The following CSMD1 variants were observed in gnomAD, a reference collection of about 807,000 sequenced individuals.
CSMD1 encodes CUB and Sushi multiple domains 1, also known as CUB and sushi domain-containing protein 1.
Under a neutral mutation model 417.5 loss-of-function variants are expected in CSMD1, and 213 were observed. The observed-to-expected ratio is 0.51, with a 90% CI of 0.46 to 0.57. The LOEUF (loss-of-function observed/expected upper bound fraction) is 0.57, where lower values mean the gene tolerates loss of function less well. CSMD1 is among the 20% of genes least tolerant of loss of function. The probability of loss-of-function intolerance (pLI) is 0.00; values close to 1 mark genes in which losing one functional copy is unlikely to be tolerated. For missense variants in CSMD1, 6,923 were observed against 4,529.7 expected (o/e 1.53, Z -15.17); for synonymous variants, 2,862 against 1,736.8 (o/e 1.65, Z -16.11).
rs142916318 is a variant in CSMD1 at position 3,993,228 on chromosome 8, G to A, written c.818+4675C>T. On this transcript the variant is annotated intron_variant, in intron 5 of 69. Transcript: ENST00000635120. ...TCTGTGTTAGTGCTGCAAATTTTCTGTAAAATGAATTCAAAATAATAACAA... is the reference window on the plus strand; with the variant it reads ...TCTGTGTTAGTGCTGCAAATTTTCTATAAAATGAATTCAAAATAATAACAA... 4.4e-3 allele frequency among the ~76,000 whole-genome samples: 669 copies of A among 152,318 alleles called. 1 individual carries two copies. Among genetic ancestry groups the A allele is most frequent in the African/African-American group, 0.016 (645 of 41,556 alleles).
intron 11 of CSMD1, among the ~76,000 whole-genome samples, chr8:3,476,800 C>A (rs980689995): frequency 3.3e-5 from 5 of 151,618 alleles, no homozygotes; most frequent in African/African-American, 1.2e-4. Context: ...CATCTGTAAT[C>A]CCAGCTACTT....
Position 4,033,231 on chromosome 8 carries a change from G to C in CSMD1, c.416-1132C>G, listed in dbSNP as rs1025834527. 6.7e-5 allele frequency among the ~76,000 whole-genome samples: 10 copies of C among 149,160 alleles called. No individual in the cohort carries two copies. The East Asian group carries it at 1.4e-3, about 21-fold the overall frequency. ...CGAGGCAGGAGGATCGTGAGGTCAA[G>C]AGATCGAGACCATCCTGGCTAACAC... On this transcript the variant is annotated intron_variant, in intron 3 of 69. Coordinates refer to ENST00000635120, the MANE Select transcript of CSMD1 (RefSeq NM_033225.6).
intron 36 of CSMD1, among the ~76,000 whole-genome samples, chr8:3,187,451 T>C (rs1179897163): frequency 6.6e-6 from 1 of 152,124 alleles, no homozygotes; most frequent in Non-Finnish European, 1.5e-5. Flanking sequence ...TGGCTACATA[T>C]GAGTAGGGTA....
At chr8:4,409,482 T>A (rs1796525995) in intron 3 of CSMD1, among the ~76,000 whole-genome samples, 1 of 152,112 alleles carries the variant, frequency 6.6e-6, no homozygotes, top group South Asian at 2.1e-4. Context: ...CTACCTAAGT[T>A]GATATTTGAG....
intron 3 of CSMD1, among the ~76,000 whole-genome samples, chr8:4,069,705 C>T (rs188192191): frequency 2.5e-3 from 381 of 152,240 alleles, no homozygotes; most frequent in Middle Eastern, 0.014. Flanking sequence ...ACTTCCCTTT[C>T]TTTCTCCCAC....
intron 1 of CSMD1, among the ~76,000 whole-genome samples, chr8:4,769,191 A>C (rs1166937276): frequency 6.6e-6 from 1 of 152,202 alleles, no homozygotes; most frequent in Admixed American, 6.5e-5. Flanking sequence ...TAATAACACC[A>C]CATACCTCAT....
At chr8:3,313,730 G>C (rs1011055936) in intron 23 of CSMD1, among the ~76,000 whole-genome samples, 1 of 152,122 alleles carries the variant, frequency 6.6e-6, no homozygotes, top group African/African-American at 2.4e-5. Flanking sequence ...CAGGGATCTA[G>C]AACTAGAAAT....
rs1269133284 is a variant in CSMD1, at chr8:3,107,770, G to T, written c.6783C>A (p.Pro2261=). The T allele has an allele frequency of 6.3e-7, 1 of 1,586,042 alleles. No individual in the cohort carries two copies. Among genetic ancestry groups the T allele is most frequent in the Non-Finnish European group, 8.5e-7 (1 of 1,171,232 alleles). The change falls in exon 45 of 70, where the codon CCC becomes CCA. Residue 2261 remains proline, a synonymous_variant. Transcript: ENST00000635120. The stretch of plus-strand genomic sequence containing the variant: ...GCATTTCTGCCTGTGGAACCGCTGG[G>T]GGAGGTTGACATTTCTTGAGCTGAA... ...HAFQLKKCQP[P]PAVPQAEMLT...
rs1398970436 is a variant in CSMD1 at position 3,998,113 on chromosome 8, G to A, written c.611-3C>T. ...GGTTCCTCCGCAGGCTCCCTCAGCT[G>A]CAGGGGCAAAAGCAGAAAGAAAGCA... On this transcript the variant is annotated splice_region_variant and splice_polypyrimidine_tract_variant and intron_variant, in intron 4 of 69. Transcript: ENST00000635120. 7.7e-6 allele frequency: 12 copies of A among 1,557,156 alleles called. No individual in the cohort carries two copies. Among genetic ancestry groups the A allele is most frequent in the Non-Finnish European group, 8.7e-6 (10 of 1,149,200 alleles).
chr8:3,755,477 G>A (rs1350781195), intron 5 of CSMD1, among the ~76,000 whole-genome samples: 3 of 152,034 alleles, frequency 2.0e-5, no homozygotes, highest in African/African-American at 7.2e-5. Context: ...TAATCTGTAA[G>A]GGTTTAAGCA....
intron 12 of CSMD1, among the ~76,000 whole-genome samples, chr8:3,439,319 TTA>T (rs1491134533): frequency 1.1e-5 from 1 of 87,092 alleles, no homozygotes; most frequent in Non-Finnish European, 2.4e-5. Context: ...ATTTTTTTTT[TTA>T]ATATGTATTT....
intron 43 of CSMD1, among the ~76,000 whole-genome samples, chr8:3,109,586 G>A (rs1816369507): frequency 6.6e-6 from 1 of 152,018 alleles, no homozygotes. Flanking sequence ...TGGCCTTGGA[G>A]CTCTGCCTGT....
chr8:3,032,459 C>G (rs117446988), intron 50 of CSMD1, among the ~76,000 whole-genome samples: 5 of 152,026 alleles, frequency 3.3e-5, no homozygotes, highest in Non-Finnish European at 5.9e-5. Flanking sequence ...CCCTGATTTG[C>G]TGTGGTCAAT....
intron 3 of CSMD1, among the ~76,000 whole-genome samples, chr8:4,301,837 A>G (rs1289163425): frequency 6.6e-6 from 1 of 152,030 alleles, no homozygotes; most frequent in South Asian, 2.1e-4. Context: ...TTCAGAAAGC[A>G]TCGGTGATTT....
chr8:4,338,341 G>A (rs1391102183), intron 3 of CSMD1, among the ~76,000 whole-genome samples: 1 of 152,032 alleles, frequency 6.6e-6, no homozygotes, highest in East Asian at 1.9e-4. Context: ...TCTGTTCCAG[G>A]GCTCTCTTAA....
At chr8:3,939,116 A>G (rs1291017412) in intron 5 of CSMD1, among the ~76,000 whole-genome samples, 5 of 152,152 alleles carry the variant, frequency 3.3e-5, no homozygotes, top group African/African-American at 1.2e-4. Context: ...AGTTTATTGA[A>G]TTACAGAAAA....
intron 3 of CSMD1, among the ~76,000 whole-genome samples, chr8:4,057,767 C>G (rs1359915451): frequency 6.6e-6 from 1 of 152,030 alleles, no homozygotes; most frequent in Non-Finnish European, 1.5e-5. Context: ...GCCAGTTTTC[C>G]CAGCACCATT....
Position 4,534,759 on chromosome 8 carries a change from T to C in CSMD1, c.302+102583A>G, listed in dbSNP as rs13282053. The stretch of plus-strand genomic sequence containing the variant: ...CAACTCCATCCACGTACAATTTCTT[T>C]CTTTCTTTCTTTCCTTTTTTTGAGG... On this transcript the variant is annotated intron_variant, in intron 2 of 69. Transcript: ENST00000635120. Among the ~76,000 whole-genome samples the C allele has an allele frequency of 2.8e-3, 432 of 152,218 alleles. 4 individuals are homozygous for C. The highest frequency in any genetic ancestry group is 4.6e-3 in the Non-Finnish European group (311 of 68,004).
chr8:3,731,982 T>A (rs985870661), intron 6 of CSMD1, among the ~76,000 whole-genome samples: 1 of 152,170 alleles, frequency 6.6e-6, no homozygotes, highest in Admixed American at 6.5e-5. Context: ...TCAGCAGATA[T>A]TTAAAGAACA....
Sources: gnomAD v4.1 joint callset for allele counts (sites outside exome capture counted in the v4.1 genomes callset) on GRCh38, gnomAD v4.1.1 for gene constraint, MANE v1.5 for transcripts, NCBI Gene and HGNC (gene_info 2026-07-23, HGNC 2026-07-21) for gene names.